Variants in UAP1 observed in about 807,000 individuals in gnomAD.
UAP1 encodes UDP-N-acetylglucosamine pyrophosphorylase 1.
Under a neutral mutation model 58.5 loss-of-function variants are expected in UAP1, and 25 were observed. That is an observed-to-expected ratio of 0.43 (90% CI 0.31 to 0.60). The LOEUF (loss-of-function observed/expected upper bound fraction) is 0.60. UAP1 is among the 20% of genes least tolerant of loss of function. UAP1 has a pLI of 0.11. For missense variants in UAP1, 575 were observed against 630.0 expected (o/e 0.91, Z 0.93); for synonymous variants, 208 against 213.0 (o/e 0.98, Z 0.21).
At chr1:162,598,546 T>G (rs1655746787) in intron 10 of UAP1, among the ~76,000 whole-genome samples, 1 of 152,238 alleles carries the variant, frequency 6.6e-6, no homozygotes, top group Non-Finnish European at 1.5e-5. Context: ...CTGGCTTTTT[T>G]TAAATGCAAT....
Position 162,597,874 on chromosome 1 carries a change from T to C in UAP1, c.1476+16T>C. On this transcript the variant is annotated intron_variant, in intron 10 of 10. Coordinates refer to ENST00000271469, the Ensembl canonical transcript of UAP1. ...TGCTGGAGAAGTAAGTCTGCTTTAC[T>C]TTTTCCTCTATTCTTTTACAAAGCT... is the stretch of plus-strand genomic sequence containing the variant. 1 of 1,601,808 alleles carries C rather than the reference T, an allele frequency of 6.2e-7. No homozygotes were observed. The highest frequency in any genetic ancestry group is 8.5e-7 in the Non-Finnish European group (1 of 1,172,474).
Position 162,581,284 on chromosome 1 carries a change from C to T in UAP1, c.662-3C>T. 1.9e-6 allele frequency: 3 copies of T among 1,604,464 alleles called. No individual in the cohort carries two copies. Among genetic ancestry groups the T allele is most frequent in the Admixed American group, 3.4e-5 (2 of 59,300 alleles). The stretch of plus-strand genomic sequence containing the variant: ...GCTACTAATGGGCTATTTTGTTTTC[C>T]AGATGGGAATGGTGGTCTTTATCGG... On this transcript the variant is annotated splice_region_variant and splice_polypyrimidine_tract_variant and intron_variant, in intron 4 of 10. Coordinates refer to ENST00000271469, the Ensembl canonical transcript of UAP1.
At chr1:162,578,100 G>C (rs1287851331) in intron 3 of UAP1, among the ~76,000 whole-genome samples, 3 of 152,114 alleles carry the variant, frequency 2.0e-5, no homozygotes, top group African/African-American at 7.2e-5. Context: ...TTTTGGTTCA[G>C]CTCTTTAGTC....
intron 5 of UAP1, among the ~76,000 whole-genome samples, chr1:162,586,401 A>G (rs567845643): frequency 5.9e-5 from 9 of 152,200 alleles, no homozygotes; most frequent in Admixed American, 2.0e-4. Context: ...ATCACGTTTC[A>G]CTGTAGCCTC....
intron 2 of UAP1, among the ~76,000 whole-genome samples, chr1:162,571,124 TTTTG>T (rs1257957088): frequency 3.3e-5 from 5 of 151,896 alleles, no homozygotes; most frequent in Non-Finnish European, 4.4e-5. Flanking sequence ...CTTCTGATTT[TTTTG>T]TTTGTTTGTT....
intron 5 of UAP1, among the ~76,000 whole-genome samples, chr1:162,583,283 G>A (rs936051623): frequency 1.3e-5 from 2 of 150,296 alleles, no homozygotes; most frequent in African/African-American, 4.9e-5. Context: ...CTCCTGAGTA[G>A]CTGGGATTAT....
intron 6 of UAP1, 129 bp from the exon 7 acceptor site, chr1:162,588,564 A>G: frequency 1.1e-6 from 1 of 912,162 alleles, no homozygotes; most frequent in Non-Finnish European, 1.6e-6. Flanking sequence ...ATATGAACTG[A>G]AACTTAAATG....
At chr1:162,593,202 T>G (rs1055488919) in intron 9 of UAP1, 1 of 170,210 alleles carries the variant, frequency 5.9e-6, no homozygotes, top group African/African-American at 2.4e-5. Context: ...TCCTGTCATA[T>G]TTGATGGCCC....
intron 1 of UAP1, among the ~76,000 whole-genome samples, chr1:162,564,767 A>T (rs992628364): frequency 6.6e-6 from 1 of 152,090 alleles, no homozygotes; most frequent in Non-Finnish European, 1.5e-5. Context: ...GCTTTTCATG[A>T]TCTAGCCCTA....
chr1:162,571,615 G>A (rs1438133395), intron 2 of UAP1, among the ~76,000 whole-genome samples: 2 of 152,016 alleles, frequency 1.3e-5, no homozygotes, highest in Admixed American at 1.3e-4. Context: ...TTGTCACATG[G>A]GTTTAAATAC....
intron 6 of UAP1, among the ~76,000 whole-genome samples, chr1:162,588,281 T>A (rs1655039238): frequency 6.6e-6 from 1 of 152,248 alleles, no homozygotes; most frequent in South Asian, 2.1e-4. Flanking sequence ...ACATTCAAGA[T>A]GACTTGTCTA....
At chr1:162,579,452 A>G in exon 4 of UAP1, 3 of 1,591,062 alleles carry the variant, frequency 1.9e-6, no homozygotes, top group Non-Finnish European at 2.6e-6. Context: ...GTGGCAGAAC[A>G]ATGGAATCTA....
chr1:162,574,066 AATGG>A (rs1237640507), intron 2 of UAP1, among the ~76,000 whole-genome samples: 3 of 151,216 alleles, frequency 2.0e-5, no homozygotes, highest in Non-Finnish European at 4.4e-5. Flanking sequence ...CTAAATTTAT[AATGG>A]AGTTATTTTT....
rs1443901803 is a variant in UAP1 at position 162,572,019 on chromosome 1, C to G, written c.281-4758C>G. Among the ~76,000 whole-genome samples the G allele has an allele frequency of 2.0e-5, 3 of 152,122 alleles. No homozygotes were observed. The East Asian group carries it at 5.8e-4, about 29-fold the overall frequency. On this transcript the variant is annotated intron_variant, in intron 2 of 10. Coordinates refer to ENST00000271469, the Ensembl canonical transcript of UAP1. ...AAACAGGAAGAAGTTAATGAAAAGC[C>G]TTTTTATTGCAAATATATGTGGATT... is the stretch of plus-strand genomic sequence containing the variant.
intron 3 of UAP1, among the ~76,000 whole-genome samples, chr1:162,578,119 C>G (rs949361628): frequency 6.6e-6 from 1 of 152,122 alleles, no homozygotes; most frequent in African/African-American, 2.4e-5. Flanking sequence ...TCTCTTTCCC[C>G]GAGCAGTTTT....
chr1:162,576,627 G>A, intron 2 of UAP1, 150 bp from the exon 3 acceptor site: 1 of 686,804 alleles, frequency 1.5e-6, no homozygotes. Context: ...TCCACCACTA[G>A]CCTGTACCCA....
intron 6 of UAP1, among the ~76,000 whole-genome samples, chr1:162,588,406 T>G (rs1655049713): frequency 6.6e-6 from 1 of 152,178 alleles, no homozygotes; most frequent in South Asian, 2.1e-4. Flanking sequence ...ACTTAATGCG[T>G]TTTTTAATGT....
At chr1:162,581,583 G>A in intron 5 of UAP1, 124 bp downstream of exon 5, 5 of 1,018,638 alleles carry the variant, frequency 4.9e-6, no homozygotes, top group Non-Finnish European at 6.9e-6. Context: ...TCTCTCTAAA[G>A]TAACTAAACG....
intron 7 of UAP1, among the ~76,000 whole-genome samples, chr1:162,589,338 T>A (rs74695119): frequency 0.012 from 1,717 of 142,614 alleles, 23 homozygotes; most frequent in East Asian, 0.048. Flanking sequence ...TTATTAAATG[T>A]GATGGGGTCT....
Sources: gnomAD v4.1 joint callset for allele counts (sites outside exome capture counted in the v4.1 genomes callset) on GRCh38, gnomAD v4.1.1 for gene constraint, MANE v1.5 for transcripts, NCBI Gene and HGNC (gene_info 2026-07-23, HGNC 2026-07-21) for gene names.